GRID2: variants seen among roughly 807,000 people sequenced by gnomAD.
GRID2 encodes glutamate ionotropic receptor delta type subunit 2, also known as glutamate receptor ionotropic, delta-2.
GRID2 carries 33 observed loss-of-function variants against 114.8 expected under a neutral mutation model. The ratio of observed to expected loss-of-function variants is 0.29; its 90% confidence interval spans 0.22 to 0.38. The LOEUF is 0.38. GRID2 is among the 10% of genes least tolerant of loss of function. The pLI is 1.00. For synonymous variants in GRID2, 505 were observed against 449.9 expected (o/e 1.12, Z -1.55); for missense variants, 1,184 against 1,257.7 (o/e 0.94, Z 0.89).
At chr4:92,834,775 T>A (rs1203888740) in intron 2 of GRID2, among the ~76,000 whole-genome samples, 2 of 152,204 alleles carry the variant, frequency 1.3e-5, no homozygotes, top group Non-Finnish European at 2.9e-5. Context: ...TTTATCCTAA[T>A]GAGGCCTGTA....
intron 2 of GRID2, among the ~76,000 whole-genome samples, chr4:92,605,805 T>C (rs1162833071): frequency 6.6e-6 from 1 of 152,112 alleles, no homozygotes; most frequent in African/African-American, 2.4e-5. Context: ...TTGTCAACCA[T>C]ATTACTTGTG....
chr4:93,439,097 G>C (rs1471297197), intron 10 of GRID2, among the ~76,000 whole-genome samples: 1 of 152,032 alleles, frequency 6.6e-6, no homozygotes, highest in Non-Finnish European at 1.5e-5. Context: ...GGACATTTGG[G>C]TTGGTTCCAA....
chr4:93,314,175 T>C (rs12647940), intron 8 of GRID2, among the ~76,000 whole-genome samples: 66,671 of 151,224 alleles, frequency 0.44, 15,260 homozygotes, highest in East Asian at 0.62. Context: ...CATGATGGCA[T>C]GTGCCTGTAG....
At chr4:92,359,988 A>G (rs1728536277) in intron 1 of GRID2, among the ~76,000 whole-genome samples, 1 of 151,982 alleles carries the variant, frequency 6.6e-6, no homozygotes, top group African/African-American at 2.4e-5. Flanking sequence ...TCTGAATTGT[A>G]TTTCTTTGTA....
intron 2 of GRID2, among the ~76,000 whole-genome samples, chr4:92,920,463 C>T (rs1257637881): frequency 3.9e-5 from 6 of 152,102 alleles, no homozygotes; most frequent in African/African-American, 7.2e-5. Flanking sequence ...TACAATTTGG[C>T]ATGTTTTTGC....
chr4:92,916,942 A>T (rs966188521), intron 2 of GRID2, among the ~76,000 whole-genome samples: 1 of 152,152 alleles, frequency 6.6e-6, no homozygotes. Flanking sequence ...CGCCACACTG[A>T]CTTCCACAAT....
At chr4:92,889,681 G>C (rs569914914) in intron 2 of GRID2, among the ~76,000 whole-genome samples, 1 of 152,174 alleles carries the variant, frequency 6.6e-6, no homozygotes, top group East Asian at 1.9e-4. Context: ...CCTGAAAATG[G>C]CCATACTGCC....
At chr4:93,578,442 A>T (rs1736625836) in intron 13 of GRID2, among the ~76,000 whole-genome samples, 1 of 152,128 alleles carries the variant, frequency 6.6e-6, no homozygotes, top group Admixed American at 6.6e-5. Context: ...TTTTGAAAAG[A>T]ATACAAATTT....
chr4:93,508,578 A>G (rs757273390), intron 12 of GRID2, among the ~76,000 whole-genome samples: 20 of 152,268 alleles, frequency 1.3e-4, no homozygotes, highest in Admixed American at 6.5e-4. Context: ...TTAAAATGCT[A>G]TTATTATGCC....
chr4:92,662,786 T>G (rs909085644), intron 2 of GRID2, among the ~76,000 whole-genome samples: 1 of 151,068 alleles, frequency 6.6e-6, no homozygotes, highest in African/African-American at 2.4e-5. Flanking sequence ...GTAAATGCAT[T>G]TAAATCAATG....
intron 8 of GRID2, among the ~76,000 whole-genome samples, chr4:93,394,852 T>C (rs1384230262): frequency 6.6e-6 from 1 of 151,996 alleles, no homozygotes; most frequent in African/African-American, 2.4e-5. Context: ...TCTTTCTCCA[T>C]ATTTTTGATT....
chr4:92,308,940 C>T (rs1725557883), intron 1 of GRID2, among the ~76,000 whole-genome samples: 2 of 151,990 alleles, frequency 1.3e-5, no homozygotes, highest in Admixed American at 1.3e-4. Context: ...CTATTCTTCT[C>T]TGTATCATTA....
At chr4:93,175,461 G>A (rs1033156799) in intron 4 of GRID2, among the ~76,000 whole-genome samples, 2 of 151,910 alleles carry the variant, frequency 1.3e-5, no homozygotes, top group Admixed American at 6.6e-5. Flanking sequence ...GTGGGCCACC[G>A]CACACAGCAT....
At chr4:93,564,463 C>G (rs1735221668) in intron 13 of GRID2, among the ~76,000 whole-genome samples, 1 of 152,042 alleles carries the variant, frequency 6.6e-6, no homozygotes, top group East Asian at 1.9e-4. Flanking sequence ...CAGTAGTCAA[C>G]TTAGATATTT....
At chr4:92,823,252 A>G (rs1376834218) in intron 2 of GRID2, among the ~76,000 whole-genome samples, 2 of 152,154 alleles carry the variant, frequency 1.3e-5, no homozygotes, top group East Asian at 1.9e-4. Flanking sequence ...AAAATTAGGA[A>G]CTATGAACAT....
At position 92,582,944 on chromosome 4, in the gene GRID2, A is replaced by G. The variant is rs536585824; in HGVS notation, c.89-7187A>G. 7.9e-5 allele frequency among the ~76,000 whole-genome samples: 12 copies of G among 152,154 alleles called. No individual in the cohort carries two copies. In the East Asian group the frequency reaches 1.5e-3, roughly 20 times the overall value. ...TGAGACTGCAGTGAGCCATGGCTGT[A>G]TAATTACACTCTAGCCTGGGTGACA... On this transcript the variant is annotated intron_variant, in intron 1 of 15. Coordinates refer to ENST00000282020, the MANE Select transcript of GRID2 (RefSeq NM_001510.4).
intron 2 of GRID2, among the ~76,000 whole-genome samples, chr4:92,613,111 T>G (rs1052148517): frequency 6.6e-6 from 1 of 151,418 alleles, no homozygotes; most frequent in African/African-American, 2.4e-5. Context: ...ACTCATAGTT[T>G]GTTGAGGGTT....
intron 8 of GRID2, 92 bp downstream of exon 8, chr4:93,238,582 A>T: frequency 4.7e-6 from 5 of 1,069,118 alleles, no homozygotes; most frequent in Non-Finnish European, 6.9e-6. Context: ...TACCCATTAA[A>T]GTCAATATTG....
chr4:92,703,172 C>T (rs1456514199), intron 2 of GRID2, among the ~76,000 whole-genome samples: 1 of 152,002 alleles, frequency 6.6e-6, no homozygotes, highest in African/African-American at 2.4e-5. Flanking sequence ...ACAAATGATA[C>T]ATAGAAGAAA....
Sources: gnomAD v4.1 joint callset for allele counts (sites outside exome capture counted in the v4.1 genomes callset) on GRCh38, gnomAD v4.1.1 for gene constraint, MANE v1.5 for transcripts, NCBI Gene and HGNC (gene_info 2026-07-23, HGNC 2026-07-21) for gene names.